Variants in TENM3 observed in about 807,000 individuals in gnomAD.
TENM3 encodes the protein teneurin-3.
Under a neutral mutation model 255.1 loss-of-function variants are expected in TENM3, and 63 were observed. That is an observed-to-expected ratio of 0.25 (90% confidence interval 0.20 to 0.30). The LOEUF is 0.30. Among genes scored for constraint, TENM3 ranks in the 10% least tolerant of loss-of-function variants. The pLI, the probability that TENM3 is intolerant of heterozygous loss-of-function variation, is 1.00. For synonymous variants in TENM3, 1,306 were observed against 1,322.3 expected (o/e 0.99, Z 0.27); for missense variants, 2,929 against 3,461.1 (o/e 0.85, Z 3.86).
chr4:182,773,620 A>G lies in TENM3; in HGVS notation c.5041A>G (p.Ile1681Val). Residue 1681 changes from isoleucine (I) to valine (V), a missense_variant, in exon 23 of 28, where the codon ATC becomes GTC. Physicochemically the swap from Ile to Val is conservative, Grantham distance 29. Around this residue, in one of 6 missense-constraint regions of TENM3, gnomAD observed 1,608 missense variants for 1,884.4 expected, o/e 0.85. Transcript: ENST00000511685. ...CAGCATCACTTCAAATCTGTCCTCGATCGATTCTTTCTACACCATGGTTCA... is the reference window on the plus strand; with the variant it reads ...CAGCATCACTTCAAATCTGTCCTCGGTCGATTCTTTCTACACCATGGTTCA... The part of the protein sequence containing the change: ...DVSITSNLSS[I>V]DSFYTMVQDQ... The G allele has an allele frequency of 6.2e-7, 1 of 1,613,270 alleles. No individual in the cohort carries two copies. The highest frequency in any genetic ancestry group is 8.5e-7 in the Non-Finnish European group (1 of 1,179,600).
Position 182,628,680 on chromosome 4 carries a change from C to G in TENM3, c.779C>G (p.Thr260Arg). 6.3e-7 allele frequency: 1 copy of G among 1,599,812 alleles called. No homozygotes were observed. Among genetic ancestry groups the G allele is most frequent in the Non-Finnish European group, 8.5e-7 (1 of 1,172,760 alleles). Residue 260 changes from threonine to arginine, a missense_variant, in exon 5 of 28, where the codon ACA becomes AGA. Physicochemically the swap from Thr to Arg is moderately conservative, Grantham distance 71 (BLOSUM62 -1). This residue lies in a region of TENM3 where 1,608 missense variants were observed against 1,884.4 expected (regional missense o/e 0.85). Coordinates refer to ENST00000511685, the MANE Select transcript of TENM3 (RefSeq NM_001080477.4). The stretch of plus-strand genomic sequence containing the variant: ...TTCCTATTCAAAACAGGAACAGGTA[C>G]AACGCCACTGTTCAGTACTGCAACC... ...RHFLFKTGTG[T>R]TPLFSTATPG...
intron 1 of TENM3, among the ~76,000 whole-genome samples, chr4:182,314,607 T>C (rs1247131930): frequency 2.0e-5 from 3 of 152,250 alleles, no homozygotes; most frequent in African/African-American, 7.2e-5. Context: ...TGATTATTGA[T>C]AGAGTTAGAA....
intron 1 of TENM3, among the ~76,000 whole-genome samples, chr4:182,177,920 A>G (rs900331896): frequency 3.3e-5 from 5 of 151,082 alleles, no homozygotes; most frequent in Admixed American, 2.0e-4. Context: ...ACGAAAAGTC[A>G]TAAACTTTTG....
chr4:181,848,188 A>T, the TENM3 span, among the ~76,000 whole-genome samples: 1 of 152,342 alleles, frequency 6.6e-6, no homozygotes, highest in Admixed American at 6.5e-5. Flanking sequence ...AGAAAGAACA[A>T]AACCTGCTAA....
chr4:182,175,314 A>ATATATATATATAT (rs1554026205), intron 1 of TENM3, among the ~76,000 whole-genome samples: 1 of 117,592 alleles, frequency 8.5e-6, no homozygotes, highest in African/African-American at 3.3e-5. Flanking sequence ...AAAAAAAAAA[A>ATATATATATATAT]ATATATATAT....
chr4:181,884,632 T>C, the TENM3 span, among the ~76,000 whole-genome samples: 2 of 152,220 alleles, frequency 1.3e-5, no homozygotes, highest in Non-Finnish European at 2.9e-5. Context: ...TGTATCAGAA[T>C]TTTATCTCTT....
intron 1 of TENM3, among the ~76,000 whole-genome samples, chr4:182,149,891 CA>C: frequency 6.6e-6 from 1 of 152,074 alleles, no homozygotes; most frequent in Middle Eastern, 3.4e-3. Context: ...CTAGAGCATG[CA>C]AAAACACAGT....
At chr4:182,324,630 C>T (rs922030211) in intron 2 of TENM3, among the ~76,000 whole-genome samples, 7 of 152,148 alleles carry the variant, frequency 4.6e-5, no homozygotes, top group Non-Finnish European at 2.9e-5. Context: ...AGAACCGGTA[C>T]AAGGAGAACA....
chr4:181,615,825 G>A, the TENM3 span, among the ~76,000 whole-genome samples: 8 of 152,124 alleles, frequency 5.3e-5, no homozygotes, highest in African/African-American at 1.7e-4. Context: ...TTTCCTGTAG[G>A]GAAGATATTT....
At chr4:181,997,992 T>A in the TENM3 span, among the ~76,000 whole-genome samples, 1 of 152,198 alleles carries the variant, frequency 6.6e-6, no homozygotes, top group Non-Finnish European at 1.5e-5. Flanking sequence ...TCTTCTAGAT[T>A]CTTATAGTTA....
At chr4:181,811,017 A>G in the TENM3 span, among the ~76,000 whole-genome samples, 1 of 152,142 alleles carries the variant, frequency 6.6e-6, no homozygotes, top group African/African-American at 2.4e-5. Context: ...GGATGAGTTG[A>G]TTTTGGGAGG....
At chr4:181,674,157 A>T in the TENM3 span, among the ~76,000 whole-genome samples, 2 of 152,034 alleles carry the variant, frequency 1.3e-5, no homozygotes, top group East Asian at 3.9e-4. Flanking sequence ...CATCACACCC[A>T]ACTAATTTCT....
At chr4:182,279,671 GA>G (rs1423436820) in intron 1 of TENM3, among the ~76,000 whole-genome samples, 12 of 152,280 alleles carry the variant, frequency 7.9e-5, no homozygotes, top group African/African-American at 2.9e-4. Flanking sequence ...TTATTATTAT[GA>G]TTATCTTTTT....
At chr4:182,402,075 G>A (rs1419062835) in intron 3 of TENM3, among the ~76,000 whole-genome samples, 9 of 152,294 alleles carry the variant, frequency 5.9e-5, no homozygotes, top group Admixed American at 2.6e-4. Flanking sequence ...ACGTGGCAGC[G>A]TGAAACGGTT....
chr4:182,519,480 T>C (rs1738338980), intron 3 of TENM3, among the ~76,000 whole-genome samples: 1 of 152,210 alleles, frequency 6.6e-6, no homozygotes, highest in Non-Finnish European at 1.5e-5. Flanking sequence ...TCTTTCCCTC[T>C]CCACAGTTTA....
chr4:181,946,121 T>G, the TENM3 span, among the ~76,000 whole-genome samples: 1 of 152,174 alleles, frequency 6.6e-6, no homozygotes, highest in South Asian at 2.1e-4. Flanking sequence ...TTTTTATTTT[T>G]CACCATTATA....
At chr4:182,767,273 C>T (rs1371732257) in intron 22 of TENM3, among the ~76,000 whole-genome samples, 1 of 152,202 alleles carries the variant, frequency 6.6e-6, no homozygotes, top group Non-Finnish European at 1.5e-5. Flanking sequence ...GATTCCGCAT[C>T]AGCCCGCCGT....
intron 3 of TENM3, among the ~76,000 whole-genome samples, chr4:182,549,589 C>A (rs183378069): frequency 4.6e-5 from 7 of 152,134 alleles, no homozygotes. Context: ...ACCCATTGTT[C>A]GAGTCACGCT....
the TENM3 span, among the ~76,000 whole-genome samples, chr4:181,825,134 G>A: frequency 6.6e-6 from 1 of 152,166 alleles, no homozygotes; most frequent in Non-Finnish European, 1.5e-5. Context: ...TGGACGCGGT[G>A]GCTCACGCCG....
Sources: allele counts gnomAD v4.1 joint callset (sites outside exome capture counted in the v4.1 genomes callset), GRCh38; gene constraint gnomAD v4.1.1; regional missense constraint gnomAD v4.1.1; transcripts MANE v1.5; gene names NCBI Gene and HGNC (gene_info 2026-07-23, HGNC 2026-07-21).